The following CAMTA1 variants were observed in gnomAD, a reference collection of about 807,000 sequenced individuals.
CAMTA1 encodes calmodulin-binding transcription activator 1.
A neutral mutation model predicts 170.9 loss-of-function variants in CAMTA1; 27 were observed. The ratio of observed to expected loss-of-function variants is 0.16; its 90% CI spans 0.12 to 0.22. The LOEUF is 0.22. CAMTA1 is among the 10% of genes least tolerant of loss of function. The pLI is 1.00. For synonymous variants in CAMTA1, 833 were observed against 891.5 expected, an observed-to-expected ratio of 0.93 and a Z score of 1.17; for missense variants, 1,619 against 2,217.2, an observed-to-expected ratio of 0.73 and a Z score of 5.42.
At chr1:7,489,178 G>A (rs2093665143) in intron 6 of CAMTA1, among the ~76,000 whole-genome samples, 1 of 152,232 alleles carries the variant, frequency 6.6e-6, no homozygotes, top group African/African-American at 2.4e-5. Flanking sequence ...CCTGGCCTGG[G>A]AAGGGGGGCC....
rs1197987736 is a variant in CAMTA1, at chr1:7,463,346, C to CAG, written c.439-4478_439-4477dup. Among the ~76,000 whole-genome samples, 1 of 151,444 alleles carries CAG rather than the reference C, an allele frequency of 6.6e-6. No homozygotes were observed. Among genetic ancestry groups the CAG allele is most frequent in the Non-Finnish European group, 1.5e-5 (1 of 67,872 alleles). ...CAAGGGAAACAGAGACAGGGAGAGA[C>CAG]AGAGAGACAGAGAAAGATGGAGAGA... is the stretch of plus-strand genomic sequence containing the variant. On this transcript the variant is annotated intron_variant, in intron 5 of 22. Coordinates refer to ENST00000303635, the MANE Select transcript of CAMTA1 (RefSeq NM_015215.4). The surrounding 1 kb of genome is among the most constrained non-coding windows in gnomAD (Gnocchi z 4.7).
chr1:7,545,288 C>T (rs377402406), intron 6 of CAMTA1, among the ~76,000 whole-genome samples: 25 of 152,334 alleles, frequency 1.6e-4, no homozygotes, highest in Admixed American at 1.0e-3. Flanking sequence ...CCCATCACCC[C>T]CCAAGTATTT....
intron 6 of CAMTA1, among the ~76,000 whole-genome samples, chr1:7,468,830 G>T (rs1014084036): frequency 2.0e-5 from 3 of 152,198 alleles, no homozygotes; most frequent in African/African-American, 7.2e-5. Context: ...CCTGGCGGGG[G>T]TGTAGTTGGA....
intron 6 of CAMTA1, among the ~76,000 whole-genome samples, chr1:7,468,363 G>A (rs2093260455): frequency 6.6e-6 from 1 of 152,234 alleles, no homozygotes; most frequent in African/African-American, 2.4e-5. Context: ...GGAGGAAGGA[G>A]CTCCGTAATC....
At chr1:6,841,817 T>A (rs753274210) in intron 3 of CAMTA1, among the ~76,000 whole-genome samples, 1 of 152,178 alleles carries the variant, frequency 6.6e-6, no homozygotes, top group Non-Finnish European at 1.5e-5. Flanking sequence ...CACAGGGTTA[T>A]TTTTAATAGA....
intron 3 of CAMTA1, among the ~76,000 whole-genome samples, chr1:7,057,852 A>G (rs1707599244): frequency 6.6e-6 from 1 of 152,212 alleles, no homozygotes; most frequent in South Asian, 2.1e-4. Context: ...GGGATGGTCC[A>G]CCAACTTTTG....
chr1:7,497,599 T>C (rs1001300712), intron 6 of CAMTA1, among the ~76,000 whole-genome samples: 1 of 152,188 alleles, frequency 6.6e-6, no homozygotes, highest in Non-Finnish European at 1.5e-5. Flanking sequence ...CACGTCACAT[T>C]GCGTGGTGCC....
At chr1:7,143,061 G>C (rs980747613) in intron 4 of CAMTA1, among the ~76,000 whole-genome samples, 1 of 152,222 alleles carries the variant, frequency 6.6e-6, no homozygotes, top group Non-Finnish European at 1.5e-5. Context: ...GGGAAGACAG[G>C]CTGCTGGACT....
chr1:7,325,302 A>G lies in CAMTA1; in HGVS notation c.438+75676A>G, dbSNP rs1421838664. 1.3e-5 allele frequency among the ~76,000 whole-genome samples: 2 copies of G among 152,198 alleles called. No individual in the cohort carries two copies. The highest frequency in any genetic ancestry group is 4.8e-5 in the African/African-American group (2 of 41,436). ...GAGAAAAAGGTAGAACAAGATAGGG[A>G]GGCTGGGAATGCAAATGGCAGTTTT... On this transcript the variant is annotated intron_variant, in intron 5 of 22. Coordinates refer to ENST00000303635, the MANE Select transcript of CAMTA1 (RefSeq NM_015215.4). The surrounding 1 kb of genome is among the most constrained non-coding windows in gnomAD (Gnocchi z 5.0).
intron 1 of CAMTA1, among the ~76,000 whole-genome samples, chr1:6,793,840 A>G (rs1250642468): frequency 2.6e-5 from 4 of 152,370 alleles, no homozygotes; most frequent in East Asian, 1.9e-4. Flanking sequence ...TCAAGAATTA[A>G]TGTTCTTAAA....
intron 4 of CAMTA1, among the ~76,000 whole-genome samples, chr1:7,237,309 G>T (rs1197084760): frequency 6.6e-6 from 1 of 152,138 alleles, no homozygotes; most frequent in African/African-American, 2.4e-5. Context: ...AAAATCTGCT[G>T]CCTCCGGGCC....
intron 6 of CAMTA1, among the ~76,000 whole-genome samples, chr1:7,551,892 C>T (rs2094807936): frequency 6.6e-6 from 1 of 152,200 alleles, no homozygotes. Context: ...ACAGAAAAAC[C>T]CCCAGGGAGG....
At chr1:7,145,964 C>T (rs1041940280) in intron 4 of CAMTA1, among the ~76,000 whole-genome samples, 7 of 152,150 alleles carry the variant, frequency 4.6e-5, no homozygotes, top group African/African-American at 1.7e-4. Context: ...TGAGCTTTGG[C>T]CTTCTTGTCT....
At chr1:7,307,164 T>G (rs907280364) in intron 5 of CAMTA1, among the ~76,000 whole-genome samples, 1 of 152,032 alleles carries the variant, frequency 6.6e-6, no homozygotes, top group Non-Finnish European at 1.5e-5. Flanking sequence ...ATGCTCTATA[T>G]ATTTTTTATT....
In CAMTA1 at chr1:7,629,269, C is replaced by T. The variant is rs114645687; in HGVS notation, c.511-11131C>T. Among the ~76,000 whole-genome samples the T allele has an allele frequency of 4.3e-3, 650 of 152,310 alleles. 4 individuals carry two copies. The highest frequency in any genetic ancestry group is 0.015 in the African/African-American group (632 of 41,556). The stretch of plus-strand genomic sequence containing the variant: ...GACGCTGAACAGTCCAGCTGACACT[C>T]GCAGCCCCAGATTCCACCCTGGTGG... On this transcript the variant is annotated intron_variant, in intron 6 of 22. Coordinates refer to ENST00000303635, the MANE Select transcript of CAMTA1 (RefSeq NM_015215.4).
At chr1:6,879,280 G>A (rs966609514) in intron 3 of CAMTA1, among the ~76,000 whole-genome samples, 6 of 152,226 alleles carry the variant, frequency 3.9e-5, no homozygotes, top group African/African-American at 1.4e-4. Context: ...ACCCTGTGAT[G>A]TGCTGTGAGC....
chr1:6,922,070 T>A (rs1328336714), intron 3 of CAMTA1, among the ~76,000 whole-genome samples: 1 of 152,260 alleles, frequency 6.6e-6, no homozygotes, highest in Non-Finnish European at 1.5e-5. Flanking sequence ...AAGGCCATCA[T>A]TTCAAGATAC....
At chr1:7,203,562 TA>T (rs1657099095) in intron 4 of CAMTA1, among the ~76,000 whole-genome samples, 1 of 151,104 alleles carries the variant, frequency 6.6e-6, no homozygotes, top group Non-Finnish European at 1.5e-5. Flanking sequence ...TCAGACCATC[TA>T]TTTTTTTTCT....
At chr1:7,552,805 G>A (rs530501366) in intron 6 of CAMTA1, among the ~76,000 whole-genome samples, 4 of 152,346 alleles carry the variant, frequency 2.6e-5, no homozygotes, top group Admixed American at 6.5e-5. Flanking sequence ...CACAGCTCCC[G>A]GGATGGCGTG....
Sources: allele counts gnomAD v4.1 joint callset (sites outside exome capture counted in the v4.1 genomes callset), GRCh38; gene constraint gnomAD v4.1.1; non-coding constraint Gnocchi (gnomAD v3.1); transcripts MANE v1.5; gene names NCBI Gene and HGNC (gene_info 2026-07-23, HGNC 2026-07-21).